The following RIC3 variants were observed in gnomAD, a reference collection of about 807,000 sequenced individuals.
RIC3 encodes RIC3 acetylcholine receptor chaperone.
Under a neutral mutation model 27.3 loss-of-function variants are expected in RIC3, and 28 were observed. The ratio of observed to expected loss-of-function variants is 1.02; its 90% confidence interval spans 0.76 to 1.41. RIC3 has a LOEUF of 1.41. RIC3 is among the 40% of genes most tolerant of loss of function. The pLI, the probability that RIC3 is intolerant of heterozygous loss-of-function variation, is 0.00. For missense variants in RIC3, 501 were observed against 444.7 expected (o/e 1.13, Z -1.14); for synonymous variants, 184 against 160.4 (o/e 1.15, Z -1.11).
chr11:8,108,320 T>C lies in RIC3; in HGVS notation c.*2378A>G, dbSNP rs755114250. 6.6e-6 allele frequency: 1 copy of C among 152,204 alleles called. No homozygotes were observed. 9.4% of individuals were successfully genotyped at this position (152,204 alleles called of 1,614,324 possible). ...TCTTTGCCTACCTGAAGAAGTTCTT[T>C]GCATGCCTCAAGGCCCACCTCCCAA... On this transcript the variant is annotated 3_prime_UTR_variant, in exon 6 of 6. Transcript: ENST00000309737.
chr11:8,123,052 C>T (rs1946634444), intron 5 of RIC3, among the ~76,000 whole-genome samples: 1 of 151,706 alleles, frequency 6.6e-6, no homozygotes, highest in Non-Finnish European at 1.5e-5. Context: ...AAAAAAGACC[C>T]AAATGAAACT....
intron 5 of RIC3, among the ~76,000 whole-genome samples, chr11:8,112,279 CTTTTCTTTTCTTTTCTTTTT>C (rs1945359920): frequency 7.4e-6 from 1 of 135,248 alleles, no homozygotes; most frequent in Non-Finnish European, 1.6e-5. Flanking sequence ...ATTTTCTTTT[CTTTTCTTTTCTTTTCTTTTT>C]TTTTTTTTGA....
At chr11:8,163,018 A>AACACAC (rs59248468) in intron 1 of RIC3, among the ~76,000 whole-genome samples, 5,231 of 135,962 alleles carry the variant, frequency 0.038, 146 homozygotes, top group East Asian at 0.15. Context: ...GGATTATTTA[A>AACACAC]ACACACACAC....
At position 8,169,006 on chromosome 11, in the gene RIC3, C is replaced by T. The variant is rs758372832; in HGVS notation, c.-17G>A. The stretch of plus-strand genomic sequence containing the variant: ...GTACGCCATGACTGCTCACGGTGGT[C>T]GCAGGTGCAGACGCCAGCCGGAACC... On this transcript the variant is annotated 5_prime_UTR_variant, in exon 1 of 6. Coordinates refer to ENST00000309737, the MANE Select transcript of RIC3 (RefSeq NM_001206671.4). 1.3e-5 allele frequency: 20 copies of T among 1,558,604 alleles called. No individual in the cohort carries two copies. The highest frequency in any genetic ancestry group is 1.6e-5 in the Non-Finnish European group (18 of 1,158,052).
At chr11:8,100,926 A>G in the RIC3 span, 4 of 1,614,140 alleles carry the variant, frequency 2.5e-6, no homozygotes, top group Non-Finnish European at 3.4e-6. Flanking sequence ...ACACAGTCCT[A>G]TGTACTCAAC....
At chr11:8,096,617 C>A in the RIC3 span, 1 of 1,033,182 alleles carries the variant, frequency 9.7e-7, no homozygotes, top group Non-Finnish European at 1.5e-6. Context: ...GAGTATGTGA[C>A]CATGTGTATT....
chr11:8,105,770 C>G (rs1944557445), downstream of RIC3: 2 of 152,190 alleles, frequency 1.3e-5, no homozygotes, highest in East Asian at 3.9e-4. Flanking sequence ...CATCACATCC[C>G]TCTCCTCTCC....
At chr11:8,094,560 A>AG in the RIC3 span, among the ~76,000 whole-genome samples, 2 of 152,182 alleles carry the variant, frequency 1.3e-5, no homozygotes, top group Non-Finnish European at 2.9e-5. Context: ...ACTGCTTCCC[A>AG]GGCAGCTTGC....
In RIC3 at chr11:8,149,640, C is replaced by G. The variant is rs375224426; in HGVS notation, c.125-9447G>C. ...GAGCTATAAAAAGGAAAGGATAGGT[C>G]TATAAACTAAAAATAAAATTCTAAG... is the stretch of plus-strand genomic sequence containing the variant. On this transcript the variant is annotated intron_variant, in intron 1 of 5. Transcript: ENST00000309737. Among the ~76,000 whole-genome samples, 10 of 152,238 alleles carry G rather than the reference C, an allele frequency of 6.6e-5. No homozygotes were observed. In the East Asian group the frequency reaches 1.2e-3, roughly 18 times the overall value.
the RIC3 span, chr11:8,097,218 A>T: frequency 6.8e-6 from 11 of 1,613,750 alleles, no homozygotes; most frequent in Middle Eastern, 1.7e-4. Flanking sequence ...CCTATTCTGC[A>T]TCCCCATAGG....
intron 5 of RIC3, among the ~76,000 whole-genome samples, chr11:8,118,862 C>T (rs191578149): frequency 3.8e-4 from 51 of 135,572 alleles, no homozygotes; most frequent in South Asian, 3.5e-3. Context: ...CGGAGTGAGA[C>T]TCCATCTCAA....
chr11:8,167,948 A>G, intron 1 of RIC3, among the ~76,000 whole-genome samples: 1 of 152,226 alleles, frequency 6.6e-6, no homozygotes, highest in Middle Eastern at 3.2e-3. Flanking sequence ...GCTCAAGAGA[A>G]TGGAACTACA....
the RIC3 span, chr11:8,096,910 T>G: frequency 7.4e-7 from 1 of 1,344,652 alleles, no homozygotes; most frequent in Non-Finnish European, 1.1e-6. Flanking sequence ...TAGGAGCTTC[T>G]CTGCTGGCCT....
the RIC3 span, chr11:8,100,494 C>G: frequency 3.1e-6 from 5 of 1,613,278 alleles, no homozygotes; most frequent in African/African-American, 2.7e-5. Context: ...GTTGCGTTCT[C>G]TTTCCCAGGA....
chr11:8,115,314 CAAAAAA>C (rs777006536), intron 5 of RIC3, among the ~76,000 whole-genome samples: 2 of 135,888 alleles, frequency 1.5e-5, no homozygotes, highest in African/African-American at 5.3e-5. Flanking sequence ...AAAACAAAAA[CAAAAAA>C]AAAAAAGGTC....
Position 8,131,477 on chromosome 11 carries a change from A to G in RIC3, c.522-4670T>C, listed in dbSNP as rs114014861. ...TTCATTCATTCAACAGATATTTATT[A>G]TATGATGAGGCTAAAGGTAGGTATC... On this transcript the variant is annotated intron_variant, in intron 4 of 5. Coordinates refer to ENST00000309737, the MANE Select transcript of RIC3 (RefSeq NM_001206671.4). Among the ~76,000 whole-genome samples the G allele has an allele frequency of 2.9e-4, 44 of 152,350 alleles. 1 individual carries two copies. The highest frequency in any genetic ancestry group is 1.0e-3 in the African/African-American group (43 of 41,588).
At chr11:8,150,652 A>C (rs139352747) in intron 1 of RIC3, among the ~76,000 whole-genome samples, 1,868 of 152,336 alleles carry the variant, frequency 0.012, 37 homozygotes, top group African/African-American at 0.042. Flanking sequence ...GAGAAAGAAA[A>C]GAAAAATGCG....
At chr11:8,135,866 G>C (rs914024856) in intron 4 of RIC3, 8 of 152,078 alleles carry the variant, frequency 5.3e-5, no homozygotes, top group Non-Finnish European at 1.5e-5. Context: ...GGGCAGAAAA[G>C]GCCAGAAAAG....
the RIC3 span, among the ~76,000 whole-genome samples, chr11:8,093,714 A>C: frequency 6.6e-6 from 1 of 152,100 alleles, no homozygotes; most frequent in Non-Finnish European, 1.5e-5. Context: ...CCTCTCAGAC[A>C]TTCTCCCTGC....
Sources: allele counts gnomAD v4.1 joint callset (sites outside exome capture counted in the v4.1 genomes callset), GRCh38; gene constraint gnomAD v4.1.1; transcripts MANE v1.5; gene names NCBI Gene and HGNC (gene_info 2026-07-23, HGNC 2026-07-21).